Variants in CPA4 observed in about 807,000 individuals in gnomAD.
The protein encoded by CPA4 is carboxypeptidase A4, also known as carboxypeptidase A3.
CPA4 carries 49 observed loss-of-function variants against 54.7 expected under a neutral mutation model. That is an observed-to-expected ratio of 0.90 (90% CI 0.71 to 1.14). The LOEUF is 1.14. CPA4 is among the 50% of genes most tolerant of loss of function. CPA4 has a pLI of 0.00. For synonymous variants in CPA4, 215 were observed against 206.8 expected (o/e 1.04, Z -0.34); for missense variants, 487 against 525.1 (o/e 0.93, Z 0.71).
At chr7:130,300,369 C>G (rs539992893) in intron 3 of CPA4, among the ~76,000 whole-genome samples, 2 of 138,642 alleles carry the variant, frequency 1.4e-5, no homozygotes, top group Admixed American at 1.6e-4. Context: ...TGGAGTCTCT[C>G]TCTTTCGCCA....
chr7:130,297,559 T>C (rs958260210), intron 1 of CPA4, among the ~76,000 whole-genome samples: 1 of 152,192 alleles, frequency 6.6e-6, no homozygotes, highest in African/African-American at 2.4e-5. Context: ...GCAGTGGACC[T>C]TGACTCCTTA....
chr7:130,305,444 T>C (rs1320774461), intron 5 of CPA4, among the ~76,000 whole-genome samples: 1 of 152,210 alleles, frequency 6.6e-6, no homozygotes, highest in Non-Finnish European at 1.5e-5. Flanking sequence ...TCATTTATCA[T>C]GTCGACCGAA....
In CPA4 at chr7:130,310,850, T is replaced by C. The variant is rs768232162; in HGVS notation, c.857T>C (p.Val286Ala). 1.4e-4 allele frequency: 223 copies of C among 1,614,122 alleles called. No individual in the cohort carries two copies. The highest frequency in any genetic ancestry group is 1.8e-4 in the Non-Finnish European group (211 of 1,180,036). The change falls in exon 9 of 11, where the codon GTG becomes GCG. Residue 286 changes from valine (V) to alanine (A), a missense_variant. Physicochemically the swap from Val to Ala is moderately conservative, Grantham distance 64. Coordinates refer to ENST00000222482, the MANE Select transcript of CPA4 (RefSeq NM_016352.4). This position sits in a 1 kb window ranked among gnomAD's most constrained non-coding sequence, Gnocchi z 4.3. ...VYHGPHANSEVEVKSVVDFIQ... is the reference protein window; with the variant it reads ...VYHGPHANSEAEVKSVVDFIQ... ...CATGGACCCCACGCCAATTCGGAAG[T>C]GGAGGTGAAATCAGTGGTAGATTTC...
intron 3 of CPA4, chr7:130,299,743 T>C (rs1368007432): frequency 1.2e-5 from 3 of 245,444 alleles, no homozygotes; most frequent in African/African-American, 6.5e-5. Context: ...GTCATGTGAT[T>C]TGTTGAGAAG....
rs57842029 is a variant in CPA4 at position 130,323,895 on chromosome 7, TTGTGTGTGTG to T, written c.*1251_*1260del. ...GTATCCTGTGTTTCCTTGTCCTGGT[TTGTGTGTGTG>T]TGTGTGTGTGTGTGTGTGTGTGTGT... On this transcript the variant is annotated 3_prime_UTR_variant, in exon 11 of 11. Coordinates refer to ENST00000222482, the MANE Select transcript of CPA4 (RefSeq NM_016352.4). 0.085 allele frequency: 12,391 copies of T among 145,128 alleles called. 553 individuals are homozygous for T. The highest frequency in any genetic ancestry group is 0.11 in the Non-Finnish European group (7,081 of 66,378). The allele number at this position is 145,128 out of a possible 1,614,324, so 9.0% of individuals were successfully genotyped here. A position where few individuals can be genotyped will look rare whatever the true frequency, so the allele number is the denominator to read the frequency against.
chr7:130,308,087 T>G, intron 7 of CPA4: 1 of 580,262 alleles, frequency 1.7e-6, no homozygotes, highest in Non-Finnish European at 3.1e-6. Context: ...AAAGGTCTCA[T>G]CAGTACATTT....
intron 9 of CPA4, among the ~76,000 whole-genome samples, chr7:130,311,613 A>G (rs1317691832): frequency 6.9e-6 from 1 of 145,344 alleles, no homozygotes; most frequent in African/African-American, 2.6e-5. Flanking sequence ...TGCAACACCC[A>G]ACTCTTTGAG....
intron 9 of CPA4, 27 bp downstream of exon 9, chr7:130,311,013 C>A (rs1793904686): frequency 1.9e-6 from 3 of 1,600,734 alleles, no homozygotes; most frequent in South Asian, 2.2e-5. Context: ...TCCCACCCAG[C>A]CTGGGGCCCG....
chr7:130,316,779 A>G (rs1437387552), intron 10 of CPA4, among the ~76,000 whole-genome samples: 2 of 152,044 alleles, frequency 1.3e-5, no homozygotes, highest in Non-Finnish European at 2.9e-5. Context: ...CTCTACTAAA[A>G]TACTTTAGCT....
At position 130,306,827 on chromosome 7, in the gene CPA4, T is replaced by C. The variant is rs1350067454; in HGVS notation, c.632T>C (p.Ile211Thr). The change falls in exon 7 of 11, where the codon ATC becomes ACC. Residue 211 changes from isoleucine to threonine, a missense_variant. Ile to Thr is a moderately conservative substitution (Grantham distance 89). Transcript: ENST00000222482. Reference sequence around the variant, plus strand: ...CAGAGGGATCCAGCTATCACCTCCATCTTGGAGAAAATGGATATTTTCTTG... The same window carrying C: ...CAGAGGGATCCAGCTATCACCTCCACCTTGGAGAAAATGGATATTTTCTTG... The part of the protein sequence containing the change: ...DYQRDPAITS[I>T]LEKMDIFLLP... 1 of 1,611,272 alleles carries C rather than the reference T, an allele frequency of 6.2e-7. No individual in the cohort carries two copies. The highest frequency in any genetic ancestry group is 2.2e-5 in the East Asian group (1 of 44,884).
intron 1 of CPA4, among the ~76,000 whole-genome samples, chr7:130,296,938 T>C (rs2402993): frequency 0.32 from 48,174 of 151,556 alleles, 8,133 homozygotes; most frequent in East Asian, 0.5. Context: ...TTTCTGTTTT[T>C]TAAATTTATT....
At chr7:130,303,788 C>A (rs1244653911) in intron 4 of CPA4, among the ~76,000 whole-genome samples, 1 of 130,928 alleles carries the variant, frequency 7.6e-6, no homozygotes, top group Non-Finnish European at 1.7e-5. Context: ...GCCACCGCAG[C>A]TGCCTATTTT....
chr7:130,305,855 C>T lies in CPA4; in HGVS notation c.526C>T (p.Leu176=), dbSNP rs1562929768. Residue 176 remains leucine (L), a synonymous_variant, in exon 6 of 11, where the codon CTG becomes TTG. Coordinates refer to ENST00000222482, the MANE Select transcript of CPA4 (RefSeq NM_016352.4). ...AGGCGTGAGGCGGCCGGCCGTTTGG[C>T]TGAATGCAGGCATCCATTCCCGAGA... ...GKGVRRPAVW[L]NAGIHSREWI... 6.2e-7 allele frequency: 1 copy of T among 1,614,188 alleles called. No individual in the cohort carries two copies. Among genetic ancestry groups the T allele is most frequent in the Admixed American group, 1.7e-5 (1 of 60,030 alleles).
At chr7:130,295,630 A>G (rs1793636694) in intron 1 of CPA4, among the ~76,000 whole-genome samples, 1 of 152,176 alleles carries the variant, frequency 6.6e-6, no homozygotes, top group South Asian at 2.1e-4. Flanking sequence ...TGCCCTTCGC[A>G]TTGCACCCCG....
In CPA4 at chr7:130,323,714, G is replaced by A. The variant is rs1700868482; in HGVS notation, c.*1038G>A. 6.6e-6 allele frequency: 1 copy of A among 152,184 alleles called. No homozygotes were observed. The highest frequency in any genetic ancestry group is 1.5e-5 in the Non-Finnish European group (1 of 68,062). The allele number at this position is 152,184 out of a possible 1,614,324, so 9.4% of individuals were successfully genotyped here. ...GGGTGAAGTGACCATCTAAATTGCA[G>A]GATGGTGAAATTATCCCCATCTGTC... On this transcript the variant is annotated 3_prime_UTR_variant, in exon 11 of 11. Transcript: ENST00000222482.
Position 130,312,141 on chromosome 7 carries a change from A to T in CPA4, c.1078+19A>T, listed in dbSNP as rs754058607. The T allele has an allele frequency of 9.3e-5, 146 of 1,577,182 alleles. No individual in the cohort carries two copies. The highest frequency in any genetic ancestry group is 1.2e-4 in the Non-Finnish European group (141 of 1,146,496). On this transcript the variant is annotated intron_variant, in intron 10 of 10. Coordinates refer to ENST00000222482, the MANE Select transcript of CPA4 (RefSeq NM_016352.4). The stretch of plus-strand genomic sequence containing the variant: ...ACTGTCTGTAAGTACTCGCTTATTT[A>T]TGAGTTATTTAGAAAGCACTTTGAG...
intron 7 of CPA4, 152 bp downstream of exon 7, chr7:130,307,049 C>T (rs1793832179): frequency 1.5e-6 from 1 of 666,370 alleles, no homozygotes; most frequent in South Asian, 1.7e-5. Context: ...TGAGAATCAC[C>T]AGGGGATATT....
chr7:130,309,938 G>A (rs1793885746), intron 8 of CPA4, among the ~76,000 whole-genome samples: 1 of 152,060 alleles, frequency 6.6e-6, no homozygotes, highest in Non-Finnish European at 1.5e-5. Context: ...GCTAAGTTTT[G>A]TATTTTTTTG....
At chr7:130,295,524 T>A (rs1163534997) in intron 1 of CPA4, among the ~76,000 whole-genome samples, 5 of 152,208 alleles carry the variant, frequency 3.3e-5, no homozygotes, top group Non-Finnish European at 7.4e-5. Flanking sequence ...AATTTCTGGA[T>A]AGTGGAGATA....
Sources: gnomAD v4.1 joint callset for allele counts (sites outside exome capture counted in the v4.1 genomes callset) on GRCh38, gnomAD v4.1.1 for gene constraint, Gnocchi (gnomAD v3.1) non-coding constraint, MANE v1.5 for transcripts, NCBI Gene and HGNC (gene_info 2026-07-23, HGNC 2026-07-21) for gene names.